KCNK9: variants seen among roughly 807,000 people sequenced by gnomAD.
The protein encoded by KCNK9 is potassium two pore domain channel subfamily K member 9.
Under a neutral mutation model 10.8 loss-of-function variants are expected in KCNK9, and 1 was observed. That is an observed-to-expected ratio of 0.09 (90% CI 0.03 to 0.44). The LOEUF is 0.44. Among genes scored for constraint, KCNK9 ranks in the 20% least tolerant of loss-of-function variants. KCNK9 has a pLI of 0.97. For missense variants in KCNK9, 303 were observed against 515.0 expected (o/e 0.59, Z 3.98); for synonymous variants, 231 against 222.7 (o/e 1.04, Z -0.33).
intron 1 of KCNK9, among the ~76,000 whole-genome samples, chr8:139,677,736 CTA>C (rs1816588443): frequency 6.2e-5 from 9 of 146,172 alleles, no homozygotes; most frequent in African/African-American, 2.5e-4. Context: ...CAACGGGTCC[CTA>C]CAGCTTCAGA....
intron 1 of KCNK9, among the ~76,000 whole-genome samples, chr8:139,687,156 A>C (rs1816806824): frequency 6.6e-6 from 1 of 151,936 alleles, no homozygotes; most frequent in South Asian, 2.1e-4. Context: ...GAGCCAAAGA[A>C]AACACATGTG....
intron 1 of KCNK9, among the ~76,000 whole-genome samples, chr8:139,690,627 C>G (rs1476613216): frequency 6.6e-6 from 1 of 152,208 alleles, no homozygotes; most frequent in Non-Finnish European, 1.5e-5. Flanking sequence ...GTGATAATCA[C>G]TGAGGCTAAT....
rs1165171642 is a variant in KCNK9, at chr8:139,617,772, GCA to G, written c.*484_*485del. Among the ~76,000 whole-genome samples the G allele has an allele frequency of 6.6e-6, 1 of 152,082 alleles. No individual in the cohort carries two copies. On this transcript the variant is annotated 3_prime_UTR_variant, in exon 2 of 2. Coordinates refer to ENST00000520439, the MANE Select transcript of KCNK9 (RefSeq NM_001282534.2). ...TGTCACGACACACGTGCACACAGAA[GCA>G]CACACACAACACACACACAGTCACT... is the stretch of plus-strand genomic sequence containing the variant.
intron 1 of KCNK9, among the ~76,000 whole-genome samples, chr8:139,696,372 A>G (rs957697696): frequency 2.0e-5 from 3 of 152,232 alleles, no homozygotes; most frequent in Admixed American, 2.0e-4. Context: ...TAAGAACGTT[A>G]TACTTAAATA....
intron 1 of KCNK9, among the ~76,000 whole-genome samples, chr8:139,648,111 T>C (rs1267564734): frequency 3.3e-5 from 5 of 152,124 alleles, no homozygotes; most frequent in South Asian, 2.1e-4. Context: ...TACGGACACA[T>C]TGCAACACGG....
intron 1 of KCNK9, among the ~76,000 whole-genome samples, chr8:139,627,196 C>T (rs1815004717): frequency 6.6e-6 from 1 of 152,168 alleles, no homozygotes; most frequent in South Asian, 2.1e-4. Flanking sequence ...TCCAGTGGCA[C>T]AGCACTTTAC....
downstream of KCNK9, chr8:139,611,361 A>T (rs753536007): frequency 6.6e-6 from 1 of 152,250 alleles, no homozygotes; most frequent in Non-Finnish European, 1.5e-5. Flanking sequence ...GGCTGGTCCT[A>T]GGCGTGCGAG....
At chr8:139,615,269 A>G (rs1159237005), downstream of KCNK9, among the ~76,000 whole-genome samples, 1 of 152,154 alleles carries the variant, frequency 6.6e-6, no homozygotes, top group Non-Finnish European at 1.5e-5. Context: ...CTGAACCTCA[A>G]TGTCCTCGTC....
chr8:139,618,140 A>C lies in KCNK9; in HGVS notation c.*118T>G, dbSNP rs551876612. On this transcript the variant is annotated 3_prime_UTR_variant, in exon 2 of 2. Transcript: ENST00000520439. This position sits in a 1 kb window ranked among gnomAD's most constrained non-coding sequence, Gnocchi z 7.9. The stretch of plus-strand genomic sequence containing the variant: ...AAGAGACCAAGAAAGGAGGAAGGAG[A>C]GAAAGTAATAATGATGACAATAATA... 1 of 1,375,202 alleles carries C rather than the reference A, an allele frequency of 7.3e-7. No individual in the cohort carries two copies. Among genetic ancestry groups the C allele is most frequent in the African/African-American group, 1.5e-5 (1 of 68,028 alleles). 85.2% of individuals were successfully genotyped at this position (1,375,202 alleles called of 1,614,324 possible).
chr8:139,604,094 T>C (rs555455262), intron 2 of KCNK9, among the ~76,000 whole-genome samples: 48 of 152,150 alleles, frequency 3.2e-4, no homozygotes, highest in African/African-American at 1.1e-3. Context: ...ATGTTTGGGG[T>C]AGGAGGAGCA....
At chr8:139,674,978 C>G (rs541979572) in intron 1 of KCNK9, among the ~76,000 whole-genome samples, 1 of 152,122 alleles carries the variant, frequency 6.6e-6, no homozygotes, top group Admixed American at 6.5e-5. Flanking sequence ...AGACACAGTT[C>G]CGAGTGTCTG....
At chr8:139,660,160 G>A (rs62520196) in intron 1 of KCNK9, among the ~76,000 whole-genome samples, 3,128 of 152,184 alleles carry the variant, frequency 0.021, 52 homozygotes, top group Middle Eastern at 0.048. Flanking sequence ...GAAGGTACAC[G>A]TTGAGCCTCA....
At position 139,618,263 on chromosome 8, in the gene KCNK9, C is replaced by T. The variant is rs149047706; in HGVS notation, c.1120G>A (p.Val374Ile). Residue 374 changes from valine (V) to isoleucine (I), a missense_variant, in exon 2 of 2, where the codon GTT (valine) becomes ATT (isoleucine). Physicochemically the swap from Val to Ile is conservative, Grantham distance 29. Coordinates refer to ENST00000520439, the MANE Select transcript of KCNK9 (RefSeq NM_001282534.2). This position sits in a 1 kb window ranked among gnomAD's most constrained non-coding sequence, Gnocchi z 7.9. Reference protein sequence around the residue: ...HQRLMKRRKSV With the variant: ...HQRLMKRRKSI ...TCCCATTTCCCTCCCCACACCTAAA[C>T]GGACTTCCGGCGTTTCATCAGCCTC... The T allele has an allele frequency of 2.8e-5, 46 of 1,614,080 alleles. No individual in the cohort carries two copies. The highest frequency in any genetic ancestry group is 1.1e-4 in the African/African-American group (8 of 74,928).
chr8:139,688,104 G>A (rs921336009), intron 1 of KCNK9, among the ~76,000 whole-genome samples: 6 of 152,136 alleles, frequency 3.9e-5, no homozygotes, highest in African/African-American at 1.4e-4. Context: ...TAAAAGCACA[G>A]TAGACTTTGT....
At chr8:139,632,170 T>C (rs1302533842) in intron 1 of KCNK9, among the ~76,000 whole-genome samples, 1 of 152,004 alleles carries the variant, frequency 6.6e-6, no homozygotes, top group Non-Finnish European at 1.5e-5. Context: ...GCATGGGAGG[T>C]AGGGGGCTGG....
At chr8:139,647,759 A>AG (rs1815735163) in intron 1 of KCNK9, among the ~76,000 whole-genome samples, 1 of 53,328 alleles carries the variant, frequency 1.9e-5, no homozygotes, top group South Asian at 1.4e-3. Flanking sequence ...CAGAGTTCTG[A>AG]GCCCTAAGGG....
At chr8:139,628,273 T>G (rs768685445) in intron 1 of KCNK9, among the ~76,000 whole-genome samples, 43 of 152,352 alleles carry the variant, frequency 2.8e-4, no homozygotes, top group South Asian at 1.2e-3. Flanking sequence ...AATCATCAGT[T>G]GGCTCCATCC....
chr8:139,691,911 A>T (rs1229296378), intron 1 of KCNK9, among the ~76,000 whole-genome samples: 1 of 152,154 alleles, frequency 6.6e-6, no homozygotes, highest in African/African-American at 2.4e-5. Flanking sequence ...TGGTCATAAG[A>T]CATAGTCCTG....
At chr8:139,636,820 C>G (rs932996091) in intron 1 of KCNK9, among the ~76,000 whole-genome samples, 1 of 152,194 alleles carries the variant, frequency 6.6e-6, no homozygotes, top group Non-Finnish European at 1.5e-5. Flanking sequence ...TGCCTCAGCT[C>G]CAAGGTGACC....
Sources: allele counts gnomAD v4.1 joint callset (sites outside exome capture counted in the v4.1 genomes callset), GRCh38; gene constraint gnomAD v4.1.1; non-coding constraint Gnocchi (gnomAD v3.1); transcripts MANE v1.5; gene names NCBI Gene and HGNC (gene_info 2026-07-23, HGNC 2026-07-21).